Variants in LTBP1 observed in about 807,000 individuals in gnomAD.
The protein encoded by LTBP1 is latent-transforming growth factor beta-binding protein 1.
A neutral mutation model predicts 207.6 loss-of-function variants in LTBP1; 129 were observed. The ratio of observed to expected loss-of-function variants is 0.62; its 90% CI spans 0.54 to 0.72. The LOEUF (loss-of-function observed/expected upper bound fraction) is 0.72, where lower values mean the gene tolerates loss of function less well. Among genes scored for constraint, LTBP1 ranks in the 30% least tolerant of loss-of-function variants. LTBP1 has a pLI of 0.00. For synonymous variants in LTBP1, 963 were observed against 833.7 expected, an observed-to-expected ratio of 1.16 and a Z score of -2.67; for missense variants, 2,281 against 2,217.2, an observed-to-expected ratio of 1.03 and a Z score of -0.58.
intron 2 of LTBP1, among the ~76,000 whole-genome samples, chr2:33,019,224 A>T (rs562461510): frequency 9.3e-4 from 141 of 152,176 alleles, no homozygotes; most frequent in African/African-American, 3.3e-3. Context: ...GCAACAGGGC[A>T]GCATAGTAAA....
intron 3 of LTBP1, chr2:33,056,511 C>T (rs771976108): frequency 2.9e-5 from 21 of 724,306 alleles, no homozygotes; most frequent in Middle Eastern, 3.1e-4. Flanking sequence ...CTTGTCCCTT[C>T]GTGGTTGCAA....
At chr2:33,339,599 T>C (rs891043839) in intron 24 of LTBP1, among the ~76,000 whole-genome samples, 2 of 152,138 alleles carry the variant, frequency 1.3e-5, no homozygotes, top group African/African-American at 4.8e-5. Context: ...TTGTGTTTAC[T>C]GTTGTAAGGG....
At chr2:33,261,658 T>C (rs2093013760) in intron 13 of LTBP1, among the ~76,000 whole-genome samples, 1 of 152,138 alleles carries the variant, frequency 6.6e-6, no homozygotes, top group African/African-American at 2.4e-5. Flanking sequence ...ATGGGACAGA[T>C]TAATGACTGT....
At chr2:32,964,737 AT>A (rs1392585122) in intron 2 of LTBP1, among the ~76,000 whole-genome samples, 2 of 152,178 alleles carry the variant, frequency 1.3e-5, no homozygotes, top group Non-Finnish European at 2.9e-5. Context: ...ATTAAAAAAA[AT>A]TTATGTCAAA....
intron 11 of LTBP1, among the ~76,000 whole-genome samples, chr2:33,254,775 G>A (rs1210958461): frequency 3.1e-5 from 3 of 97,100 alleles, no homozygotes; most frequent in Admixed American, 2.4e-4. Flanking sequence ...AGTCCCCAGA[G>A]TGTGATGTTC....
intron 2 of LTBP1, among the ~76,000 whole-genome samples, chr2:32,963,171 C>A (rs559098070): frequency 6.6e-6 from 1 of 152,112 alleles, no homozygotes; most frequent in Non-Finnish European, 1.5e-5. Flanking sequence ...ACCTTGCAAT[C>A]GGATAAGATG....
intron 23 of LTBP1, among the ~76,000 whole-genome samples, chr2:33,313,768 A>G (rs1290536812): frequency 1.3e-5 from 2 of 152,216 alleles, no homozygotes; most frequent in African/African-American, 4.8e-5. Flanking sequence ...GTGGACAAAC[A>G]TTCATAAGAC....
chr2:33,212,750 C>G (rs971332376), intron 7 of LTBP1, among the ~76,000 whole-genome samples: 1 of 152,180 alleles, frequency 6.6e-6, no homozygotes, highest in Non-Finnish European at 1.5e-5. Flanking sequence ...ATCCAACAAT[C>G]TGAAATCCAA....
At chr2:33,018,076 T>C (rs955902663) in intron 2 of LTBP1, among the ~76,000 whole-genome samples, 1 of 152,086 alleles carries the variant, frequency 6.6e-6, no homozygotes, top group Admixed American at 6.6e-5. Flanking sequence ...CAAAGGGAGG[T>C]ATTATATACA....
chr2:33,117,678 C>T (rs2080832635), intron 4 of LTBP1, among the ~76,000 whole-genome samples: 1 of 152,156 alleles, frequency 6.6e-6, no homozygotes, highest in Non-Finnish European at 1.5e-5. Context: ...ATGCCTAGTG[C>T]CAGTTACAGA....
rs558410797 is a variant in LTBP1, at chr2:32,991,289, A to G, written c.566-29620A>G. 5.8e-3 allele frequency among the ~76,000 whole-genome samples: 885 copies of G among 152,328 alleles called. 4 individuals carry two copies. The highest frequency in any genetic ancestry group is 0.01 in the Middle Eastern group (3 of 294). On this transcript the variant is annotated intron_variant, in intron 2 of 33. Coordinates refer to ENST00000404816, the MANE Select transcript of LTBP1 (RefSeq NM_206943.4). Reference sequence around the variant, plus strand: ...ATCTTAGGTGGCCAGAATTGGATTAATCATACTTTTTGGCTCATTACACAC... The same window carrying G: ...ATCTTAGGTGGCCAGAATTGGATTAGTCATACTTTTTGGCTCATTACACAC...
intron 3 of LTBP1, among the ~76,000 whole-genome samples, chr2:33,065,128 T>C (rs2077444469): frequency 1.3e-5 from 2 of 152,234 alleles, no homozygotes; most frequent in South Asian, 4.1e-4. Context: ...CTTGTTGTAT[T>C]TGCCAGATGC....
At chr2:33,091,686 C>T (rs145002358) in intron 3 of LTBP1, among the ~76,000 whole-genome samples, 1 of 152,158 alleles carries the variant, frequency 6.6e-6, no homozygotes, top group South Asian at 2.1e-4. Context: ...CAAGAATCCC[C>T]TGTACTTGGT....
chr2:32,971,666 T>A (rs895197134), intron 2 of LTBP1, among the ~76,000 whole-genome samples: 4 of 152,198 alleles, frequency 2.6e-5, no homozygotes, highest in African/African-American at 9.7e-5. Context: ...GTAGATTAAA[T>A]TTTTGATGTG....
chr2:32,947,293 C>T lies in LTBP1; in HGVS notation c.-32C>T, dbSNP rs907530147. 6.6e-6 allele frequency: 8 copies of T among 1,214,948 alleles called. No individual in the cohort carries two copies. Among genetic ancestry groups the T allele is most frequent in the African/African-American group, 6.3e-5 (4 of 63,188 alleles). The allele number at this position is 1,214,948 out of a possible 1,614,324, so 75.3% of individuals were successfully genotyped here. On this transcript the variant is annotated 5_prime_UTR_variant, in exon 1 of 34. Transcript: ENST00000404816. ...ACGGCCGGGGGAGGGGGCCGGACCG[C>T]GCGCGACCGGTCGCGCCCGCTGGGG...
chr2:33,259,663 T>G (rs189896997), intron 13 of LTBP1, 53 bp downstream of exon 13: 2 of 1,532,800 alleles, frequency 1.3e-6, no homozygotes, highest in Non-Finnish European at 1.8e-6. Context: ...AAAGTGATTT[T>G]CTATTAGAAT....
chr2:33,357,847 A>G (rs1417257428), intron 26 of LTBP1, among the ~76,000 whole-genome samples: 2 of 152,286 alleles, frequency 1.3e-5, no homozygotes, highest in East Asian at 1.9e-4. Context: ...AAGAGTATTC[A>G]TTTTTTAGTG....
At chr2:33,288,537 A>AT (rs1006295456) in intron 19 of LTBP1, among the ~76,000 whole-genome samples, 6 of 152,298 alleles carry the variant, frequency 3.9e-5, no homozygotes, top group Non-Finnish European at 1.5e-5. Context: ...GGAGAGAGTA[A>AT]TGTTCTCATT....
rs144369825 is a variant in LTBP1, at chr2:32,947,833, C to T, written c.494+15C>T. ...CAGCTGCAGGGGTAAGCCCACACCC[C>T]CTTCCGCCCGCCCGCCCGCCTCGCG... is the stretch of plus-strand genomic sequence containing the variant. On this transcript the variant is annotated intron_variant, in intron 1 of 33. Coordinates refer to ENST00000404816, the MANE Select transcript of LTBP1 (RefSeq NM_206943.4). The T allele has an allele frequency of 3.4e-3, 4,466 of 1,299,668 alleles. 7 individuals are homozygous for T. The highest frequency in any genetic ancestry group is 3.9e-3 in the Non-Finnish European group (3,991 of 1,017,208). 80.5% of individuals were successfully genotyped at this position (1,299,668 alleles called of 1,614,324 possible).
Sources: allele counts gnomAD v4.1 joint callset (sites outside exome capture counted in the v4.1 genomes callset), GRCh38; gene constraint gnomAD v4.1.1; transcripts MANE v1.5; gene names NCBI Gene and HGNC (gene_info 2026-07-23, HGNC 2026-07-21).